The following OLFM3 variants were observed in gnomAD, a reference collection of about 807,000 sequenced individuals.
OLFM3 encodes olfactomedin 3.
OLFM3 carries 20 observed loss-of-function variants against 48.6 expected under a neutral mutation model. That is an observed-to-expected ratio of 0.41 (90% CI 0.29 to 0.60). OLFM3 has a LOEUF of 0.60. Ranked by LOEUF, OLFM3 falls within the 20% of genes least tolerant of loss-of-function variation. OLFM3 has a pLI of 0.28. For missense variants in OLFM3, 437 were observed against 544.3 expected, an observed-to-expected ratio of 0.80 and a Z score of 1.96; for synonymous variants, 222 against 198.1, an observed-to-expected ratio of 1.12 and a Z score of -1.01.
intron 2 of OLFM3, among the ~76,000 whole-genome samples, chr1:101,836,370 G>A (rs755153536): frequency 2.1e-4 from 32 of 152,234 alleles, no homozygotes; most frequent in Non-Finnish European, 8.8e-5. Context: ...AAATTATGGA[G>A]AGAATGGTAT....
intron 1 of OLFM3, among the ~76,000 whole-genome samples, chr1:101,901,291 C>T (rs1658379062): frequency 6.6e-6 from 1 of 152,004 alleles, no homozygotes; most frequent in African/African-American, 2.4e-5. Flanking sequence ...TTGAAGAATA[C>T]ATAGAATTTT....
At chr1:101,936,863 C>A (rs1659635042) in intron 1 of OLFM3, among the ~76,000 whole-genome samples, 1 of 152,104 alleles carries the variant, frequency 6.6e-6, no homozygotes, top group Non-Finnish European at 1.5e-5. Context: ...GGAGAAATGG[C>A]TCCATATTCA....
intron 1 of OLFM3, among the ~76,000 whole-genome samples, chr1:101,986,885 G>A (rs1661257241): frequency 1.3e-5 from 2 of 151,904 alleles, no homozygotes; most frequent in African/African-American, 4.8e-5. Context: ...GGGGATGTAG[G>A]AAGCAATAAA....
chr1:101,829,991 C>A (rs974114499), intron 3 of OLFM3, among the ~76,000 whole-genome samples: 4 of 151,956 alleles, frequency 2.6e-5, no homozygotes, highest in Non-Finnish European at 5.9e-5. Flanking sequence ...CCCACCACCA[C>A]ACCCGGCTAA....
At chr1:101,860,327 C>T (rs906128654) in intron 1 of OLFM3, among the ~76,000 whole-genome samples, 49 of 151,890 alleles carry the variant, frequency 3.2e-4, no homozygotes, top group Non-Finnish European at 1.8e-4. Flanking sequence ...TAATCTTATC[C>T]TTGTTGTGAG....
chr1:101,949,433 C>T (rs1660053513), intron 1 of OLFM3, among the ~76,000 whole-genome samples: 1 of 152,252 alleles, frequency 6.6e-6, no homozygotes, highest in Middle Eastern at 3.4e-3. Context: ...CCTTATCTCA[C>T]GGTAGGTCAG....
chr1:101,817,481 C>G (rs895531407), intron 4 of OLFM3, among the ~76,000 whole-genome samples: 5 of 152,076 alleles, frequency 3.3e-5, no homozygotes, highest in Admixed American at 2.6e-4. Context: ...CTTTAAATTT[C>G]TTATAGTCAG....
At chr1:101,854,063 G>A (rs1291324135) in intron 1 of OLFM3, among the ~76,000 whole-genome samples, 1 of 151,944 alleles carries the variant, frequency 6.6e-6, no homozygotes, top group African/African-American at 2.4e-5. Flanking sequence ...ATGGTATGTA[G>A]AGAATATTTT....
intron 1 of OLFM3, among the ~76,000 whole-genome samples, chr1:101,991,016 A>AAT (rs1215588189): frequency 0.027 from 854 of 32,196 alleles, 69 homozygotes; most frequent in African/African-American, 0.077. Context: ...AAAAAAAAAA[A>AAT]ATATATATAT....
chr1:101,806,359 A>T (rs1258212726), intron 4 of OLFM3, among the ~76,000 whole-genome samples, 177 bp from the exon 5 acceptor site: 5 of 151,822 alleles, frequency 3.3e-5, no homozygotes, highest in African/African-American at 9.7e-5. Flanking sequence ...CAAACATTGA[A>T]CCATGAGGAG....
At chr1:101,868,608 G>A (rs1656948554) in intron 1 of OLFM3, among the ~76,000 whole-genome samples, 1 of 152,216 alleles carries the variant, frequency 6.6e-6, no homozygotes, top group South Asian at 2.1e-4. Context: ...ATTTTCTAGA[G>A]AGAAATTCAA....
At chr1:101,834,023 T>A (rs1655286900) in intron 2 of OLFM3, among the ~76,000 whole-genome samples, 1 of 152,180 alleles carries the variant, frequency 6.6e-6, no homozygotes, top group Non-Finnish European at 1.5e-5. Context: ...AACAAATAAT[T>A]TTTTAGGTGA....
chr1:101,915,110 A>C (rs1244535023), intron 1 of OLFM3, among the ~76,000 whole-genome samples: 1 of 152,190 alleles, frequency 6.6e-6, no homozygotes, highest in East Asian at 1.9e-4. Flanking sequence ...GCTACATTGC[A>C]CACATTCAGT....
intron 1 of OLFM3, among the ~76,000 whole-genome samples, chr1:101,982,082 G>T (rs947652029): frequency 2.6e-5 from 4 of 152,154 alleles, no homozygotes; most frequent in Admixed American, 2.6e-4. Flanking sequence ...GTTTAATCAA[G>T]CCAGAGTCAT....
chr1:101,958,163 G>A (rs1244942377), intron 1 of OLFM3, among the ~76,000 whole-genome samples: 1 of 151,960 alleles, frequency 6.6e-6, no homozygotes, highest in South Asian at 2.1e-4. Context: ...CAGGAAAAAA[G>A]CCACATTATA....
At chr1:101,887,496 A>AT (rs1319123990) in intron 1 of OLFM3, among the ~76,000 whole-genome samples, 3 of 151,922 alleles carry the variant, frequency 2.0e-5, no homozygotes, top group Admixed American at 1.3e-4. Context: ...CCTTAAGAGA[A>AT]TTTTTTCCAG....
At position 101,914,106 on chromosome 1, in the gene OLFM3, G is replaced by C. The variant is rs904563553; in HGVS notation, c.70-77081C>G. Among the ~76,000 whole-genome samples, 6 of 152,020 alleles carry C rather than the reference G, an allele frequency of 3.9e-5. 1 individual carries two copies. Among genetic ancestry groups the C allele is most frequent in the Non-Finnish European group, 7.4e-5 (5 of 68,008 alleles). ...AGCATATCCTTCCCTTTTCAGGTATGGGGACATGCATAATTAATTATATAA... is the reference window on the plus strand; with the variant it reads ...AGCATATCCTTCCCTTTTCAGGTATCGGGACATGCATAATTAATTATATAA... On this transcript the variant is annotated intron_variant, in intron 1 of 5. Transcript: ENST00000370103.
intron 1 of OLFM3, among the ~76,000 whole-genome samples, chr1:101,990,780 C>T (rs1180947068): frequency 2.0e-5 from 3 of 151,144 alleles, no homozygotes; most frequent in Non-Finnish European, 2.9e-5. Flanking sequence ...GTCAGGAGAT[C>T]GAGACCATCC....
chr1:101,960,579 C>T (rs1660438165), intron 1 of OLFM3, among the ~76,000 whole-genome samples: 1 of 152,322 alleles, frequency 6.6e-6, no homozygotes, highest in East Asian at 1.9e-4. Context: ...ACAGAGCAGT[C>T]TGGCTATGTT....
Sources: gnomAD v4.1 joint callset for allele counts (sites outside exome capture counted in the v4.1 genomes callset) on GRCh38, gnomAD v4.1.1 for gene constraint, MANE v1.5 for transcripts, NCBI Gene and HGNC (gene_info 2026-07-23, HGNC 2026-07-21) for gene names.